The following MARK1 variants were observed in gnomAD, a reference collection of about 807,000 sequenced individuals.
MARK1 encodes the protein microtubule affinity regulating kinase 1.
Under a neutral mutation model 96.3 loss-of-function variants are expected in MARK1, and 40 were observed. That is an observed-to-expected ratio of 0.42 (90% CI 0.32 to 0.54). The LOEUF (loss-of-function observed/expected upper bound fraction) is 0.54. Among genes scored for constraint, MARK1 ranks in the 20% least tolerant of loss-of-function variants. The pLI is 0.16. For synonymous variants in MARK1, 317 were observed against 341.2 expected (o/e 0.93, Z 0.78); for missense variants, 719 against 984.6 (o/e 0.73, Z 3.61).
chr1:220,558,144 A>ATAATAG (rs1316856320), intron 1 of MARK1, among the ~76,000 whole-genome samples: 42 of 142,616 alleles, frequency 2.9e-4, no homozygotes, highest in African/African-American at 1.1e-3. Flanking sequence ...AATAATAATA[A>ATAATAG]TAATAATAAT....
chr1:220,586,011 A>ACACACGCACGCACG (rs112968910), intron 3 of MARK1, among the ~76,000 whole-genome samples: 1 of 148,536 alleles, frequency 6.7e-6, no homozygotes, highest in African/African-American at 2.6e-5. Context: ...ACACACACAC[A>ACACACGCACGCACG]CGCGCGCGTG....
In MARK1 at chr1:220,633,720, C is replaced by T. The variant is rs113320249; in HGVS notation, c.1122+1407C>T. Among the ~76,000 whole-genome samples, 33 of 152,178 alleles carry T rather than the reference C, an allele frequency of 2.2e-4. 1 individual carries two copies. The highest frequency in any genetic ancestry group is 7.7e-4 in the African/African-American group (32 of 41,526). Reference sequence around the variant, plus strand: ...AAGTAGAATTAACAGTAGCACTTGGCGACCAGTTGGAAATAAGAGATAAGA... The same window carrying T: ...AAGTAGAATTAACAGTAGCACTTGGTGACCAGTTGGAAATAAGAGATAAGA... On this transcript the variant is annotated intron_variant, in intron 11 of 17. Coordinates refer to ENST00000366917, the MANE Select transcript of MARK1 (RefSeq NM_018650.5).
chr1:220,651,912 A>G, intron 14 of MARK1, 74 bp from the exon 15 acceptor site: 2 of 1,231,520 alleles, frequency 1.6e-6, no homozygotes. Context: ...TTTAAAATAT[A>G]GTTCTTAAAT....
intron 5 of MARK1, among the ~76,000 whole-genome samples, chr1:220,602,646 T>G (rs1933008): frequency 0.14 from 20,716 of 152,134 alleles, 1,921 homozygotes; most frequent in East Asian, 0.36. Context: ...TTACCACATA[T>G]CTAGAATTAA....
chr1:220,630,581 C>T (rs1467456926), intron 9 of MARK1, among the ~76,000 whole-genome samples: 2 of 152,118 alleles, frequency 1.3e-5, no homozygotes, highest in Non-Finnish European at 2.9e-5. Flanking sequence ...GATAGCTTTA[C>T]TGCCAACCCT....
intron 6 of MARK1, among the ~76,000 whole-genome samples, chr1:220,606,220 C>T (rs1666069080): frequency 6.6e-6 from 1 of 152,186 alleles, no homozygotes; most frequent in African/African-American, 2.4e-5. Context: ...ACCATTCTAA[C>T]TGGCGTGAGA....
chr1:220,598,718 G>A (rs1051735150), intron 4 of MARK1, among the ~76,000 whole-genome samples: 2 of 151,964 alleles, frequency 1.3e-5, no homozygotes, highest in Non-Finnish European at 2.9e-5. Context: ...TTCTGGCCGG[G>A]CGTGGTGGCT....
intron 3 of MARK1, among the ~76,000 whole-genome samples, chr1:220,590,798 C>A (rs1443808273): frequency 1.3e-5 from 2 of 152,164 alleles, no homozygotes; most frequent in Non-Finnish European, 2.9e-5. Flanking sequence ...CCCAAACCCA[C>A]GCACATCTTC....
At position 220,579,451 on chromosome 1, in the gene MARK1, C is replaced by G; in HGVS notation, c.149C>G (p.Ala50Gly). The G allele has an allele frequency of 6.2e-7, 1 of 1,613,970 alleles. No individual in the cohort carries two copies. The highest frequency in any genetic ancestry group is 8.5e-7 in the Non-Finnish European group (1 of 1,179,934). Residue 50 changes from alanine (A) to glycine (G), a missense_variant, in exon 2 of 18, where the codon GCA becomes GGA. Ala to Gly is a moderately conservative substitution (Grantham distance 60). This residue lies in a region of MARK1 where 105 missense variants were observed against 133.4 expected (regional missense o/e 0.79). Coordinates refer to ENST00000366917, the MANE Select transcript of MARK1 (RefSeq NM_018650.5). ...IPRCRNSITS[A>G]TDEQPHIGNY... ...CGGTGTAGAAACTCCATTACGTCAG[C>G]AACAGATGAACAGCCTCACATTGGA...
intron 3 of MARK1, among the ~76,000 whole-genome samples, chr1:220,585,999 A>G (rs1347655605): frequency 0.038 from 1,174 of 30,586 alleles, 14 homozygotes; most frequent in African/African-American, 0.055. Context: ...ACACACACAC[A>G]CACACACACA....
intron 1 of MARK1, among the ~76,000 whole-genome samples, chr1:220,537,416 C>A (rs1660782344): frequency 6.6e-6 from 1 of 151,720 alleles, no homozygotes; most frequent in African/African-American, 2.4e-5. Flanking sequence ...AGGACATGAA[C>A]TCATCATTTT....
At chr1:220,563,779 C>T (rs1414486289) in intron 1 of MARK1, among the ~76,000 whole-genome samples, 1 of 152,162 alleles carries the variant, frequency 6.6e-6, no homozygotes, top group African/African-American at 2.4e-5. Context: ...TGGATTCAAA[C>T]CAGGTGGCCT....
intron 1 of MARK1, among the ~76,000 whole-genome samples, chr1:220,575,349 A>C (rs1207011842): frequency 6.6e-6 from 1 of 152,242 alleles, no homozygotes; most frequent in African/African-American, 2.4e-5. Flanking sequence ...GACATGCTGT[A>C]ATTGAGCTAA....
intron 9 of MARK1, among the ~76,000 whole-genome samples, chr1:220,619,981 G>C (rs901328434): frequency 6.6e-6 from 1 of 152,180 alleles, no homozygotes; most frequent in African/African-American, 2.4e-5. Context: ...AGCCATCCCT[G>C]TGTACAGAGC....
intron 17 of MARK1, among the ~76,000 whole-genome samples, chr1:220,658,990 A>G (rs1669323786): frequency 6.6e-6 from 1 of 152,060 alleles, no homozygotes; most frequent in African/African-American, 2.4e-5. Flanking sequence ...ATTTCATCCT[A>G]TATTTCCACT....
chr1:220,644,047 A>G (rs748646105), intron 13 of MARK1, among the ~76,000 whole-genome samples: 1 of 152,224 alleles, frequency 6.6e-6, no homozygotes, highest in Non-Finnish European at 1.5e-5. Context: ...TTATGATGAC[A>G]GGATCAAATT....
At chr1:220,586,657 T>A (rs1288501682) in intron 3 of MARK1, among the ~76,000 whole-genome samples, 1 of 152,108 alleles carries the variant, frequency 6.6e-6, no homozygotes. Flanking sequence ...AAAGCATCCA[T>A]TTCTATGTTC....
At chr1:220,639,539 C>T (rs1157740245) in intron 13 of MARK1, among the ~76,000 whole-genome samples, 1 of 152,070 alleles carries the variant, frequency 6.6e-6, no homozygotes, top group Non-Finnish European at 1.5e-5. Flanking sequence ...CATCCTTATA[C>T]ATTTATGTTA....
At chr1:220,625,935 G>A (rs531049568) in intron 9 of MARK1, 33 of 541,634 alleles carry the variant, frequency 6.1e-5, no homozygotes, top group Non-Finnish European at 1.1e-4. Flanking sequence ...AGATGACCAA[G>A]TACCACAGGG....
Sources: gnomAD v4.1 joint callset for allele counts (sites outside exome capture counted in the v4.1 genomes callset) on GRCh38, gnomAD v4.1.1 for gene constraint, gnomAD v4.1.1 regional missense constraint, MANE v1.5 for transcripts, NCBI Gene and HGNC (gene_info 2026-07-23, HGNC 2026-07-21) for gene names.